Variants in MYO16 observed in about 807,000 individuals in gnomAD.
MYO16 encodes unconventional myosin-XVI.
MYO16 carries 94 observed loss-of-function variants against 205.3 expected under a neutral mutation model. The observed-to-expected ratio is 0.46, with a 90% CI of 0.39 to 0.54. The LOEUF (loss-of-function observed/expected upper bound fraction) is 0.54, where lower values mean the gene tolerates loss of function less well. Among genes scored for constraint, MYO16 ranks in the 20% least tolerant of loss-of-function variants. The pLI, the probability that MYO16 is intolerant of heterozygous loss-of-function variation, is 0.00. For synonymous variants in MYO16, 988 were observed against 954.0 expected (o/e 1.04, Z -0.66); for missense variants, 2,315 against 2,387.5 (o/e 0.97, Z 0.63).
chr13:108,800,672 T>A (rs781135328), intron 6 of MYO16, among the ~76,000 whole-genome samples: 1 of 152,208 alleles, frequency 6.6e-6, no homozygotes, highest in Non-Finnish European at 1.5e-5. Context: ...TGACTGAACC[T>A]AAGAGGTATT....
At chr13:108,938,656 A>G (rs1266629987) in intron 16 of MYO16, among the ~76,000 whole-genome samples, 9 of 152,222 alleles carry the variant, frequency 5.9e-5, no homozygotes, top group African/African-American at 9.6e-5. Context: ...CCCCTGCACG[A>G]AGTTCTCTGA....
intron 28 of MYO16, among the ~76,000 whole-genome samples, chr13:109,103,157 T>C (rs1268348552): frequency 6.6e-6 from 1 of 152,104 alleles, no homozygotes; most frequent in Admixed American, 6.5e-5. Context: ...AAAAAATAAA[T>C]AAATAAAACA....
chr13:109,064,238 C>T (rs1297143430), intron 27 of MYO16, among the ~76,000 whole-genome samples: 1 of 152,198 alleles, frequency 6.6e-6, no homozygotes, highest in East Asian at 1.9e-4. Flanking sequence ...AATATTTACT[C>T]TCTGGCCCTT....
intron 15 of MYO16, among the ~76,000 whole-genome samples, chr13:108,908,994 ATAAAT>A (rs967615247): frequency 6.0e-5 from 9 of 149,562 alleles, no homozygotes; most frequent in Non-Finnish European, 1.2e-4. Flanking sequence ...AATAAAATAA[ATAAAT>A]AAATAAATAA....
At chr13:108,581,893 G>GA in the MYO16 span, among the ~76,000 whole-genome samples, 2,624 of 121,998 alleles carry the variant, frequency 0.022, 88 homozygotes, top group African/African-American at 0.078. Context: ...AAAAAAAAAA[G>GA]AAAAAAAAAA....
chr13:109,079,968 C>T (rs1259489860), intron 27 of MYO16, among the ~76,000 whole-genome samples: 1 of 151,110 alleles, frequency 6.6e-6, no homozygotes, highest in East Asian at 2.0e-4. Flanking sequence ...CTCCACCTCC[C>T]GGGTTCAAGC....
chr13:109,198,322 A>C (rs1880248359), intron 34 of MYO16, among the ~76,000 whole-genome samples: 1 of 152,192 alleles, frequency 6.6e-6, no homozygotes, highest in Non-Finnish European at 1.5e-5. Flanking sequence ...TCCTGAAAAT[A>C]CAAACCCTAA....
At chr13:108,534,949 TTCC>T in the MYO16 span, among the ~76,000 whole-genome samples, 3 of 150,746 alleles carry the variant, frequency 2.0e-5, no homozygotes, top group Non-Finnish European at 3.0e-5. Context: ...TTCTTTCTTC[TTCC>T]TCCTTTTTTC....
chr13:108,768,716 T>G (rs4492921), intron 4 of MYO16, among the ~76,000 whole-genome samples: 1 of 151,996 alleles, frequency 6.6e-6, no homozygotes, highest in Non-Finnish European at 1.5e-5. Flanking sequence ...ATGAGCATAT[T>G]TGAGGAAAAC....
At chr13:109,133,747 A>G (rs1025034493) in intron 31 of MYO16, among the ~76,000 whole-genome samples, 1 of 152,220 alleles carries the variant, frequency 6.6e-6, no homozygotes, top group Admixed American at 6.5e-5. Flanking sequence ...AGAACAAAAA[A>G]ATAAGAAAAC....
intron 16 of MYO16, among the ~76,000 whole-genome samples, chr13:108,937,678 C>T (rs1246492811): frequency 6.6e-6 from 1 of 152,184 alleles, no homozygotes; most frequent in Admixed American, 6.5e-5. Flanking sequence ...TGTATTTTGA[C>T]TTTCCTTAAG....
chr13:108,869,697 C>A (rs1387972181), intron 12 of MYO16, among the ~76,000 whole-genome samples: 7 of 137,634 alleles, frequency 5.1e-5, no homozygotes, highest in Admixed American at 7.7e-5. Context: ...TGCCACTGCA[C>A]TCCAGCCTGG....
intron 20 of MYO16, among the ~76,000 whole-genome samples, chr13:108,984,347 A>G (rs1884553481): frequency 6.6e-6 from 1 of 152,104 alleles, no homozygotes; most frequent in Admixed American, 6.5e-5. Context: ...TAACAAGCCC[A>G]AGTCCCAGAG....
intron 16 of MYO16, among the ~76,000 whole-genome samples, chr13:108,954,911 C>T (rs376730822): frequency 6.6e-6 from 1 of 152,146 alleles, no homozygotes; most frequent in South Asian, 2.1e-4. Flanking sequence ...ATTTGAGGAG[C>T]CCTAGAAGAA....
intron 31 of MYO16, among the ~76,000 whole-genome samples, chr13:109,138,127 C>T (rs1369200456): frequency 6.6e-6 from 1 of 152,158 alleles, no homozygotes; most frequent in East Asian, 1.9e-4. Flanking sequence ...AGCCCAGATC[C>T]CTCTGATTCC....
intron 20 of MYO16, among the ~76,000 whole-genome samples, chr13:108,984,659 C>T (rs934823859): frequency 2.6e-5 from 4 of 152,174 alleles, no homozygotes; most frequent in African/African-American, 4.8e-5. Flanking sequence ...ACTTGGGTTT[C>T]GTGCTTTTTG....
intron 24 of MYO16, chr13:109,048,729 T>G (rs1887135665): frequency 6.1e-6 from 1 of 164,178 alleles, no homozygotes; most frequent in Non-Finnish European, 1.3e-5. Context: ...ATAATAATTT[T>G]TATTTGCAGG....
At chr13:109,143,013 G>A (rs1877173753) in intron 32 of MYO16, among the ~76,000 whole-genome samples, 1 of 152,036 alleles carries the variant, frequency 6.6e-6, no homozygotes, top group African/African-American at 2.4e-5. Context: ...GTAACACAGG[G>A]TAGATGGCAA....
At chr13:108,565,562 T>C in the MYO16 span, among the ~76,000 whole-genome samples, 12 of 152,312 alleles carry the variant, frequency 7.9e-5, no homozygotes, top group African/African-American at 2.9e-4. Context: ...TTATCAGTTC[T>C]GGTAGGTTTT....
Sources: gnomAD v4.1 joint callset for allele counts (sites outside exome capture counted in the v4.1 genomes callset) on GRCh38, gnomAD v4.1.1 for gene constraint, MANE v1.5 for transcripts, NCBI Gene and HGNC (gene_info 2026-07-23, HGNC 2026-07-21) for gene names.